The following NEMP2 variants were observed in gnomAD, a reference collection of about 807,000 sequenced individuals.
NEMP2 encodes the protein UPF0571 transmembrane protein.
In NEMP2, 53 loss-of-function variants were observed where a neutral mutation model predicts 54.2. The ratio of observed to expected loss-of-function variants is 0.98; its 90% CI spans 0.78 to 1.23. The LOEUF (loss-of-function observed/expected upper bound fraction) is 1.23, where lower values mean the gene tolerates loss of function less well. NEMP2 is among the 50% of genes most tolerant of loss of function. The probability of loss-of-function intolerance (pLI) is 0.00; values close to 1 mark genes in which losing one functional copy is unlikely to be tolerated. For synonymous variants in NEMP2, 197 were observed against 190.3 expected (o/e 1.04, Z -0.29); for missense variants, 455 against 511.3 (o/e 0.89, Z 1.06).
At chr2:190,548,504 C>T in the NEMP2 span, among the ~76,000 whole-genome samples, 1 of 152,214 alleles carries the variant, frequency 6.6e-6, no homozygotes, top group Non-Finnish European at 1.5e-5. Flanking sequence ...GTTACTCCTT[C>T]CCCTCCATTT....
At chr2:190,582,461 T>G in the NEMP2 span, among the ~76,000 whole-genome samples, 1 of 152,208 alleles carries the variant, frequency 6.6e-6, no homozygotes, top group Non-Finnish European at 1.5e-5. This position sits in a 1 kb window ranked among gnomAD's most constrained non-coding sequence, Gnocchi z 4.6. Flanking sequence ...TATATGCCTC[T>G]AAGGAATAAA....
chr2:190,441,610 TGCTGGTCA>T, the NEMP2 span, among the ~76,000 whole-genome samples: 2 of 152,158 alleles, frequency 1.3e-5, no homozygotes, highest in African/African-American at 4.8e-5. Context: ...TATGTACATG[TGCTGGTCA>T]GTACTCAGCT....
At chr2:190,495,732 A>T in the NEMP2 span, among the ~76,000 whole-genome samples, 1 of 152,178 alleles carries the variant, frequency 6.6e-6, no homozygotes, top group Non-Finnish European at 1.5e-5. This position sits in a 1 kb window ranked among gnomAD's most constrained non-coding sequence, Gnocchi z 4.7. Flanking sequence ...AAACAGAAAC[A>T]TAAAGGGGGA....
chr2:190,593,186 A>G, the NEMP2 span, among the ~76,000 whole-genome samples: 1 of 152,232 alleles, frequency 6.6e-6, no homozygotes, highest in Non-Finnish European at 1.5e-5. The surrounding 1 kb of genome is among the most constrained non-coding windows in gnomAD (Gnocchi z 4.5). Flanking sequence ...ATCAGCCGCA[A>G]AGGCATCTGC....
chr2:190,445,759 T>G, the NEMP2 span, among the ~76,000 whole-genome samples: 1 of 152,140 alleles, frequency 6.6e-6, no homozygotes, highest in African/African-American at 2.4e-5. Context: ...AGTTAAGTGC[T>G]TCTCTTTTCA....
intron 1 of NEMP2, chr2:190,534,350 GT>G (rs1691279898): frequency 8.3e-7 from 1 of 1,200,976 alleles, no homozygotes; most frequent in Non-Finnish European, 1.0e-6. Flanking sequence ...ATTACAAAAT[GT>G]CCAACTGCCA....
the NEMP2 span, among the ~76,000 whole-genome samples, chr2:190,642,799 A>G: frequency 6.6e-6 from 1 of 152,144 alleles, no homozygotes; most frequent in Non-Finnish European, 1.5e-5. The surrounding 1 kb of genome is among the most constrained non-coding windows in gnomAD (Gnocchi z 4.1). Flanking sequence ...CTTGTAGGTC[A>G]TAAGCCATAA....
the NEMP2 span, among the ~76,000 whole-genome samples, chr2:190,549,754 A>G: frequency 6.6e-6 from 1 of 152,190 alleles, no homozygotes; most frequent in African/African-American, 2.4e-5. Context: ...GATATCAGAT[A>G]TTCCAGGATC....
At chr2:190,502,554 A>G (rs1574280637), downstream of NEMP2, among the ~76,000 whole-genome samples, 1 of 152,398 alleles carries the variant, frequency 6.6e-6, no homozygotes, top group Middle Eastern at 3.4e-3. The surrounding 1 kb of genome is among the most constrained non-coding windows in gnomAD (Gnocchi z 4.4). Flanking sequence ...TCCAGCAGGC[A>G]GTAAACCTCA....
At chr2:190,438,392 C>T in the NEMP2 span, among the ~76,000 whole-genome samples, 1 of 151,998 alleles carries the variant, frequency 6.6e-6, no homozygotes, top group African/African-American at 2.4e-5. This position sits in a 1 kb window ranked among gnomAD's most constrained non-coding sequence, Gnocchi z 5.2. Flanking sequence ...GGCACGCACC[C>T]GTAGTCCCAG....
chr2:190,507,418 C>T lies in NEMP2; in HGVS notation c.*1771G>A, dbSNP rs999653909. ...CATGTGTTATTTACTCATACGCATA[C>T]GTTGTAGCACACAAACTGCTTCTTA... is the stretch of plus-strand genomic sequence containing the variant. On this transcript the variant is annotated 3_prime_UTR_variant, in exon 9 of 9. Coordinates refer to ENST00000409150, the MANE Select transcript of NEMP2 (RefSeq NM_001142645.2). This position sits in a 1 kb window ranked among gnomAD's most constrained non-coding sequence, Gnocchi z 4.4. 13 of 152,150 alleles carry T rather than the reference C, an allele frequency of 8.5e-5. No individual in the cohort carries two copies. Among genetic ancestry groups the T allele is most frequent in the Non-Finnish European group, 1.5e-4 (10 of 68,034 alleles). The allele number at this position is 152,150 out of a possible 1,614,324, so 9.4% of individuals were successfully genotyped here.
At chr2:190,615,461 C>T in the NEMP2 span, among the ~76,000 whole-genome samples, 267 of 152,292 alleles carry the variant, frequency 1.8e-3, 1 homozygote, top group African/African-American at 5.6e-3. This position sits in a 1 kb window ranked among gnomAD's most constrained non-coding sequence, Gnocchi z 4.7. Flanking sequence ...GTGAAGGGCA[C>T]GGAGCTTCCA....
chr2:190,524,625 C>T (rs1338768094), intron 2 of NEMP2, among the ~76,000 whole-genome samples: 2 of 152,172 alleles, frequency 1.3e-5, no homozygotes. Flanking sequence ...TTTGCTCCCA[C>T]TTCTCTCATC....
chr2:190,538,847 ATATTCTGGT>A (rs1248533049), upstream of NEMP2, among the ~76,000 whole-genome samples: 3 of 152,064 alleles, frequency 2.0e-5, no homozygotes, highest in African/African-American at 7.2e-5. This position sits in a 1 kb window ranked among gnomAD's most constrained non-coding sequence, Gnocchi z 4.1. Context: ...AGTTCCTGAT[ATATTCTGGT>A]TATTAATCTC....
the NEMP2 span, among the ~76,000 whole-genome samples, chr2:190,604,778 CCCTAA>C: frequency 0.012 from 1,768 of 152,266 alleles, 19 homozygotes; most frequent in Non-Finnish European, 0.018. The surrounding 1 kb of genome is among the most constrained non-coding windows in gnomAD (Gnocchi z 4.5). Flanking sequence ...TCAGCTCTCT[CCCTAA>C]CCTGACTTCT....
chr2:190,557,784 C>T, the NEMP2 span, among the ~76,000 whole-genome samples: 1 of 152,156 alleles, frequency 6.6e-6, no homozygotes, highest in Non-Finnish European at 1.5e-5. Flanking sequence ...TAGCATCTCA[C>T]GCCAGTTAGA....
chr2:190,626,035 T>A, the NEMP2 span: 1 of 155,670 alleles, frequency 6.4e-6, no homozygotes, highest in South Asian at 2.0e-4. This position sits in a 1 kb window ranked among gnomAD's most constrained non-coding sequence, Gnocchi z 4.5. Flanking sequence ...AAGATTAAGA[T>A]GCAGATTCAG....
At chr2:190,606,597 A>G in the NEMP2 span, among the ~76,000 whole-genome samples, 1 of 152,212 alleles carries the variant, frequency 6.6e-6, no homozygotes, top group Non-Finnish European at 1.5e-5. Flanking sequence ...CTGTAATCCC[A>G]GCTACTTGGG....
chr2:190,511,480 G>A (rs1005296716), intron 7 of NEMP2, among the ~76,000 whole-genome samples: 1 of 151,228 alleles, frequency 6.6e-6, no homozygotes, highest in Non-Finnish European at 1.5e-5. Flanking sequence ...AGGAATCTAA[G>A]ACTCTCATAA....
Sources: gnomAD v4.1 joint callset for allele counts (sites outside exome capture counted in the v4.1 genomes callset) on GRCh38, gnomAD v4.1.1 for gene constraint, Gnocchi (gnomAD v3.1) non-coding constraint, MANE v1.5 for transcripts, NCBI Gene and HGNC (gene_info 2026-07-23, HGNC 2026-07-21) for gene names.